The following SLCO3A1 variants were observed in gnomAD, a reference collection of about 807,000 sequenced individuals.
SLCO3A1 encodes the protein PGE1 transporter.
In SLCO3A1, 27 loss-of-function variants were observed where a neutral mutation model predicts 63.1. That is an observed-to-expected ratio of 0.43 (90% CI 0.32 to 0.59). SLCO3A1 has a LOEUF of 0.59. Ranked by LOEUF, SLCO3A1 falls within the 20% of genes least tolerant of loss-of-function variation. The pLI, the probability that SLCO3A1 is intolerant of heterozygous loss-of-function variation, is 0.09. For missense variants in SLCO3A1, 773 were observed against 945.8 expected (o/e 0.82, Z 2.40); for synonymous variants, 473 against 409.9 (o/e 1.15, Z -1.86).
At chr15:91,893,848 A>G (rs970098192) in intron 1 of SLCO3A1, among the ~76,000 whole-genome samples, 1 of 152,214 alleles carries the variant, frequency 6.6e-6, no homozygotes, top group African/African-American at 2.4e-5. Flanking sequence ...AGGAACTAGC[A>G]ATCAGCAAAG....
chr15:92,058,381 A>T (rs1245432788), intron 2 of SLCO3A1, among the ~76,000 whole-genome samples: 1 of 152,126 alleles, frequency 6.6e-6, no homozygotes, highest in Non-Finnish European at 1.5e-5. Context: ...TTTATTCTGT[A>T]AGTTAAAATC....
intron 3 of SLCO3A1, among the ~76,000 whole-genome samples, chr15:92,099,612 T>C (rs1368737374): frequency 6.6e-6 from 1 of 152,200 alleles, no homozygotes; most frequent in Non-Finnish European, 1.5e-5. Flanking sequence ...TTTCATTTGA[T>C]CTTGGAAATG....
At chr15:91,997,861 A>T (rs2046210020) in intron 2 of SLCO3A1, among the ~76,000 whole-genome samples, 1 of 152,212 alleles carries the variant, frequency 6.6e-6, no homozygotes, top group African/African-American at 2.4e-5. Flanking sequence ...AAATTAACTC[A>T]AGATGGATTA....
chr15:92,017,621 G>T (rs1435252444), intron 2 of SLCO3A1, among the ~76,000 whole-genome samples: 1 of 152,184 alleles, frequency 6.6e-6, no homozygotes, highest in African/African-American at 2.4e-5. Flanking sequence ...CAATGAGAGG[G>T]TGATGGCTGT....
At chr15:92,012,119 C>T (rs1181417281) in intron 2 of SLCO3A1, among the ~76,000 whole-genome samples, 1 of 152,232 alleles carries the variant, frequency 6.6e-6, no homozygotes, top group African/African-American at 2.4e-5. Flanking sequence ...TGCAAGCAAC[C>T]CACTGTCACT....
At chr15:92,115,198 A>G (rs1175268109) in intron 4 of SLCO3A1, among the ~76,000 whole-genome samples, 2 of 152,054 alleles carry the variant, frequency 1.3e-5, no homozygotes, top group Non-Finnish European at 2.9e-5. Flanking sequence ...GGACATGGAA[A>G]CCAAGGCCAT....
At chr15:91,870,894 A>G (rs1897265056) in intron 1 of SLCO3A1, among the ~76,000 whole-genome samples, 1 of 146,956 alleles carries the variant, frequency 6.8e-6, no homozygotes, top group South Asian at 2.1e-4. Flanking sequence ...CCTTTTTTAG[A>G]TGTTGTCTTT....
chr15:92,011,445 C>T (rs1186964863), intron 2 of SLCO3A1, among the ~76,000 whole-genome samples: 1 of 152,116 alleles, frequency 6.6e-6, no homozygotes, highest in African/African-American at 2.4e-5. Flanking sequence ...TCACATTGTA[C>T]TCCATAAATA....
intron 2 of SLCO3A1, among the ~76,000 whole-genome samples, chr15:91,956,257 C>G (rs1210172069): frequency 6.6e-6 from 1 of 152,162 alleles, no homozygotes; most frequent in Non-Finnish European, 1.5e-5. Flanking sequence ...GCCTGAGACC[C>G]AGAACCAGTG....
Position 92,069,096 on chromosome 15 carries a change from GCCC to G in SLCO3A1, c.647-25777_647-25775del, listed in dbSNP as rs56003783. Among the ~76,000 whole-genome samples the G allele has an allele frequency of 3.1e-3, 361 of 115,794 alleles. 1 individual carries two copies. Among genetic ancestry groups the G allele is most frequent in the Non-Finnish European group, 3.4e-3 (194 of 56,776 alleles). The allele number at this position is 115,794 out of a possible 152,430, so 76.0% of individuals were successfully genotyped here. ...TGCTTCTCATTCAAGGGCTCCCCCC[GCCC>G]CCCCCCCGCCACCCCCCACTCCCCC... On this transcript the variant is annotated intron_variant, in intron 2 of 9. Transcript: ENST00000318445.
At chr15:92,145,492 C>G (rs2048209949) in intron 7 of SLCO3A1, among the ~76,000 whole-genome samples, 3 of 152,138 alleles carry the variant, frequency 2.0e-5, no homozygotes, top group Admixed American at 2.0e-4. Flanking sequence ...TAGGTCTTGT[C>G]CCGAGGTTCT....
chr15:91,947,522 A>G (rs1047979684), intron 2 of SLCO3A1, among the ~76,000 whole-genome samples: 1 of 152,058 alleles, frequency 6.6e-6, no homozygotes, highest in African/African-American at 2.4e-5. Context: ...GAGCTCTTAA[A>G]TCCTTCTAGG....
chr15:92,035,401 G>C (rs938078604), intron 2 of SLCO3A1, among the ~76,000 whole-genome samples: 25 of 151,806 alleles, frequency 1.6e-4, no homozygotes, highest in African/African-American at 6.0e-4. Context: ...CAGAAACCCA[G>C]ATCTGTTTAA....
At chr15:92,095,000 T>A in intron 3 of SLCO3A1, 21 bp downstream of exon 3, 1 of 1,497,586 alleles carries the variant, frequency 6.7e-7, no homozygotes, top group South Asian at 1.1e-5. Flanking sequence ...TATCTCCATG[T>A]CTACCTTCCA....
In SLCO3A1 at chr15:91,886,882, A is replaced by G. The variant is rs562744080; in HGVS notation, c.181-29111A>G. Among the ~76,000 whole-genome samples the G allele has an allele frequency of 6.6e-6, 1 of 152,300 alleles. No individual in the cohort carries two copies. The highest frequency in any genetic ancestry group is 1.5e-5 in the Non-Finnish European group (1 of 68,026). On this transcript the variant is annotated intron_variant, in intron 1 of 9. Transcript: ENST00000318445. The surrounding 1 kb of genome is among the most constrained non-coding windows in gnomAD (Gnocchi z 4.9). ...CTGTTTCTAGTCTTGCAATTTGTATATTATCATTCAGAACCCCAGGCTCAG... is the reference window on the plus strand; with the variant it reads ...CTGTTTCTAGTCTTGCAATTTGTATGTTATCATTCAGAACCCCAGGCTCAG...
At chr15:91,987,202 C>A (rs866459474) in intron 2 of SLCO3A1, among the ~76,000 whole-genome samples, 9 of 152,282 alleles carry the variant, frequency 5.9e-5, no homozygotes, top group African/African-American at 1.9e-4. Flanking sequence ...AAACCCAGTT[C>A]TTTGCGTTGT....
intron 1 of SLCO3A1, among the ~76,000 whole-genome samples, chr15:91,904,853 C>T (rs1378327442): frequency 1.3e-5 from 2 of 152,118 alleles, no homozygotes; most frequent in Non-Finnish European, 2.9e-5. Flanking sequence ...GGTTCATTTC[C>T]AAGAGAGGAT....
chr15:92,003,194 A>G (rs775184191), intron 2 of SLCO3A1, among the ~76,000 whole-genome samples: 1 of 152,180 alleles, frequency 6.6e-6, no homozygotes, highest in Non-Finnish European at 1.5e-5. Context: ...TTATTGCTAT[A>G]TCTCTCTAGT....
intron 1 of SLCO3A1, among the ~76,000 whole-genome samples, chr15:91,906,805 A>C (rs1898321383): frequency 6.6e-6 from 1 of 152,242 alleles, no homozygotes; most frequent in Non-Finnish European, 1.5e-5. Flanking sequence ...TGAGTGGTAG[A>C]AAATTCTATT....
Sources: gnomAD v4.1 joint callset for allele counts (sites outside exome capture counted in the v4.1 genomes callset) on GRCh38, gnomAD v4.1.1 for gene constraint, Gnocchi (gnomAD v3.1) non-coding constraint, MANE v1.5 for transcripts, NCBI Gene and HGNC (gene_info 2026-07-23, HGNC 2026-07-21) for gene names.